The following LAMA3 variants were observed in gnomAD, a reference collection of about 807,000 sequenced individuals.
The protein encoded by LAMA3 is laminin subunit alpha 3.
A neutral mutation model predicts 402.0 loss-of-function variants in LAMA3; 281 were observed. The observed-to-expected ratio is 0.70, with a 90% CI of 0.63 to 0.77. The LOEUF is 0.77. Ranked by LOEUF, LAMA3 falls within the 30% of genes least tolerant of loss-of-function variation. The pLI is 0.00. For synonymous variants in LAMA3, 1,431 were observed against 1,558.4 expected, an observed-to-expected ratio of 0.92 and a Z score of 1.93; for missense variants, 3,840 against 4,215.5, an observed-to-expected ratio of 0.91 and a Z score of 2.47.
intron 8 of LAMA3, among the ~76,000 whole-genome samples, chr18:23,769,552 A>G (rs1337095428): frequency 2.0e-5 from 3 of 152,258 alleles, no homozygotes; most frequent in South Asian, 2.1e-4. Context: ...AATAATGCAA[A>G]GAGGTACAGC....
chr18:23,815,834 G>A (rs1156730020), intron 17 of LAMA3, among the ~76,000 whole-genome samples: 1 of 152,040 alleles, frequency 6.6e-6, no homozygotes, highest in Non-Finnish European at 1.5e-5. Context: ...GCATCTGTTA[G>A]TTTTATAAAT....
At position 23,819,920 on chromosome 18, in the gene LAMA3, G is replaced by A. The variant is rs748226784; in HGVS notation, c.2227G>A (p.Asp743Asn). The A allele has an allele frequency of 5.0e-6, 8 of 1,614,094 alleles. 2 individuals carry two copies. In the South Asian group the frequency reaches 6.6e-5, roughly 13 times the overall value. ...IEDGSTPNGR[D>N]LRFGFDPLAF... ...AGACGGCAGCACACCTAATGGGAGA[G>A]ACCTTCGATTTGGATTTGATCCGCT... The change falls in exon 19 of 75, where the codon GAC becomes AAC. Residue 743 changes from aspartate (D) to asparagine (N), a missense_variant. Physicochemically the swap from Asp to Asn is conservative, Grantham distance 23. Around this residue, in one of 3 missense-constraint regions of LAMA3, gnomAD observed 2,109 missense variants for 2,376.0 expected, o/e 0.89. Transcript: ENST00000313654.
At chr18:23,887,921 G>A (rs1304784126) in intron 41 of LAMA3, among the ~76,000 whole-genome samples, 2 of 152,230 alleles carry the variant, frequency 1.3e-5, no homozygotes, top group African/African-American at 2.4e-5. Context: ...CATAAATTGA[G>A]AATAAGAGAA....
intron 4 of LAMA3, among the ~76,000 whole-genome samples, chr18:23,750,439 T>G (rs1214681058): frequency 5.8e-5 from 4 of 69,494 alleles, no homozygotes; most frequent in South Asian, 4.0e-4. Flanking sequence ...ACAGTTTTTT[T>G]TTTTTTTTTT....
chr18:23,935,727 T>C lies in LAMA3; in HGVS notation c.8862+1792T>C, dbSNP rs367544164. Among the ~76,000 whole-genome samples, 8 of 152,260 alleles carry C rather than the reference T, an allele frequency of 5.3e-5. No homozygotes were observed. The East Asian group carries it at 1.2e-3, about 22-fold the overall frequency. On this transcript the variant is annotated intron_variant, in intron 67 of 74. Transcript: ENST00000313654. ...AATGAAGTAATAAACACAAAATACTTAGAAAAGTGCCTGGCACATAGTAAG... is the reference window on the plus strand; with the variant it reads ...AATGAAGTAATAAACACAAAATACTCAGAAAAGTGCCTGGCACATAGTAAG...
At chr18:23,757,848 G>C (rs2143668346) in intron 6 of LAMA3, among the ~76,000 whole-genome samples, 1 of 152,372 alleles carries the variant, frequency 6.6e-6, no homozygotes. Flanking sequence ...TCTCTGAGTG[G>C]TCTCAGCTTT....
rs534807892 is a variant in LAMA3, at chr18:23,907,040, T to A, written c.6719-510T>A. Among the ~76,000 whole-genome samples, 3 of 152,378 alleles carry A rather than the reference T, an allele frequency of 2.0e-5. No individual in the cohort carries two copies. The East Asian group carries it at 5.8e-4, about 29-fold the overall frequency. On this transcript the variant is annotated intron_variant, in intron 52 of 74. Transcript: ENST00000313654. Reference sequence around the variant, plus strand: ...AGAAACAAACAGTGCCTACTTTGTGTCTGTATTTGCCTGGATGAGGCTCTT... The same window carrying A: ...AGAAACAAACAGTGCCTACTTTGTGACTGTATTTGCCTGGATGAGGCTCTT...
intron 8 of LAMA3, among the ~76,000 whole-genome samples, chr18:23,770,761 AAAAAC>A (rs753441093): frequency 1.3e-5 from 2 of 152,200 alleles, no homozygotes; most frequent in Non-Finnish European, 2.9e-5. Flanking sequence ...ACTCTGTCTC[AAAAAC>A]AAAACAAAAC....
intron 32 of LAMA3, 130 bp from the exon 33 acceptor site, chr18:23,857,714 T>C: frequency 8.7e-7 from 1 of 1,147,466 alleles, no homozygotes; most frequent in South Asian, 1.2e-5. Flanking sequence ...CATTCTGCCT[T>C]GGACTATAAG....
Position 23,758,812 on chromosome 18 carries a change from T to G in LAMA3, c.1063+301T>G, listed in dbSNP as rs891091951. On this transcript the variant is annotated intron_variant, in intron 7 of 74. Transcript: ENST00000313654. ...AATATGATGCAACCACTATAAAATT[T>G]TAACATCTTATCCATTTCATAGGAC... is the stretch of plus-strand genomic sequence containing the variant. 2.0e-5 allele frequency among the ~76,000 whole-genome samples: 3 copies of G among 152,162 alleles called. No individual in the cohort carries two copies. In the East Asian group the frequency reaches 5.8e-4, roughly 29 times the overall value.
intron 2 of LAMA3, among the ~76,000 whole-genome samples, chr18:23,726,571 G>C (rs762251816): frequency 2.6e-5 from 4 of 152,170 alleles, no homozygotes; most frequent in South Asian, 2.1e-4. Flanking sequence ...TTGCTTCTGA[G>C]GGCAGGTGGC....
At chr18:23,781,400 C>G in intron 11 of LAMA3, 7 of 404,414 alleles carry the variant, frequency 1.7e-5, no homozygotes, top group South Asian at 1.2e-4. Context: ...TCTTAGGTAC[C>G]ATGGCTGGGC....
intron 67 of LAMA3, among the ~76,000 whole-genome samples, chr18:23,936,378 T>TCCCTCCC (rs1277337946): frequency 2.4e-5 from 3 of 127,136 alleles, no homozygotes; most frequent in Non-Finnish European, 4.9e-5. Flanking sequence ...CCTAATGCTA[T>TCCCTCCC]CCCTCCCCCC....
In LAMA3 at chr18:23,954,741, G is replaced by A; in HGVS notation, c.*93G>A. The A allele has an allele frequency of 7.7e-7, 1 of 1,300,612 alleles. No homozygotes were observed. Among genetic ancestry groups the A allele is most frequent in the Non-Finnish European group, 1.1e-6 (1 of 897,670 alleles). The allele number at this position is 1,300,612 out of a possible 1,614,324, so 80.6% of individuals were successfully genotyped here. A position where few individuals can be genotyped will look rare whatever the true frequency, so the allele number is the denominator to read the frequency against. On this transcript the variant is annotated 3_prime_UTR_variant, in exon 75 of 75. Transcript: ENST00000313654. Reference sequence around the variant, plus strand: ...CCAGCTCGAGATCATTCTTCACTCAGGACACAAACCAGACAGGTTTAATAG... The same window carrying A: ...CCAGCTCGAGATCATTCTTCACTCAAGACACAAACCAGACAGGTTTAATAG...
intron 58 of LAMA3, 29 bp downstream of exon 58, chr18:23,914,889 A>C (rs1392805319): frequency 6.4e-7 from 1 of 1,556,310 alleles, no homozygotes; most frequent in Non-Finnish European, 8.9e-7. Context: ...TCACTGAATT[A>C]AATATTAAAA....
chr18:23,838,739 G>C, intron 25 of LAMA3, 42 bp from the exon 26 acceptor site: 3 of 1,125,240 alleles, frequency 2.7e-6, no homozygotes, highest in Non-Finnish European at 4.1e-6. Flanking sequence ...TTGTTTTGCT[G>C]GTAACTGCAA....
chr18:23,784,220 A>T, intron 12 of LAMA3, 63 bp downstream of exon 12: 1 of 1,594,554 alleles, frequency 6.3e-7, no homozygotes, highest in Non-Finnish European at 8.6e-7. Flanking sequence ...CTCCTGAGGA[A>T]ATGCAGATCT....
intron 41 of LAMA3, among the ~76,000 whole-genome samples, chr18:23,888,076 A>G (rs1167718645): frequency 1.3e-5 from 2 of 152,246 alleles, no homozygotes; most frequent in African/African-American, 4.8e-5. Flanking sequence ...TGTAGGTAAG[A>G]AAGACATCAA....
At position 23,783,740 on chromosome 18, in the gene LAMA3, C is replaced by T. The variant is rs113576357; in HGVS notation, c.1469-283C>T. On this transcript the variant is annotated intron_variant, in intron 11 of 74. Transcript: ENST00000313654. ...AATTGAAGTTATACTTTACAAAGCT[C>T]GGCTTTAGAGGGAAAATAAAATGTT... Among the ~76,000 whole-genome samples, 231 of 151,748 alleles carry T rather than the reference C, an allele frequency of 1.5e-3. 2 individuals carry two copies. Among genetic ancestry groups the T allele is most frequent in the African/African-American group, 5.0e-3 (206 of 41,354 alleles).
Sources: allele counts gnomAD v4.1 joint callset (sites outside exome capture counted in the v4.1 genomes callset), GRCh38; gene constraint gnomAD v4.1.1; regional missense constraint gnomAD v4.1.1; transcripts MANE v1.5; gene names NCBI Gene and HGNC (gene_info 2026-07-23, HGNC 2026-07-21).